RAB11FIP5: variants seen among roughly 807,000 people sequenced by gnomAD.
RAB11FIP5 encodes RAB11 family interacting protein 5.
Under a neutral mutation model 85.1 loss-of-function variants are expected in RAB11FIP5, and 48 were observed. The ratio of observed to expected loss-of-function variants is 0.56; its 90% confidence interval spans 0.45 to 0.72. The LOEUF (loss-of-function observed/expected upper bound fraction) is 0.72. RAB11FIP5 is among the 30% of genes least tolerant of loss of function. The pLI is 0.00. For synonymous variants in RAB11FIP5, 729 were observed against 727.3 expected, an observed-to-expected ratio of 1.00 and a Z score of -0.04; for missense variants, 1,491 against 1,687.0, an observed-to-expected ratio of 0.88 and a Z score of 2.04.
In RAB11FIP5 at chr2:73,112,535, G is replaced by A. The variant is rs934035719; in HGVS notation, c.243C>T (p.Ala81=). The part of the protein sequence containing the change: ...EECSFELPPG[A]LDGLLRAQEA... ...CCTGCGCCCGCAGCAGGCCATCCAG[G>A]GCCCCCGGCGGCAGCTCGAAGGAGC... The change falls in exon 1 of 6, where the codon GCC becomes GCT. Residue 81 remains alanine, a synonymous_variant. Transcript: ENST00000486777. 8 of 1,531,656 alleles carry A rather than the reference G, an allele frequency of 5.2e-6. No homozygotes were observed. Among genetic ancestry groups the A allele is most frequent in the Non-Finnish European group, 6.1e-6 (7 of 1,140,762 alleles). 94.9% of individuals were successfully genotyped at this position (1,531,656 alleles called of 1,614,324 possible).
Position 73,075,811 on chromosome 2 carries a change from A to G in RAB11FIP5, c.3772-87T>C. 1 of 1,478,092 alleles carries G rather than the reference A, an allele frequency of 6.8e-7. No individual in the cohort carries two copies. 91.6% of individuals were successfully genotyped at this position (1,478,092 alleles called of 1,614,324 possible). On this transcript the variant is annotated intron_variant, in intron 5 of 5. Transcript: ENST00000486777. The surrounding 1 kb of genome is among the most constrained non-coding windows in gnomAD (Gnocchi z 4.6). ...TTGCCCGCCCGCCCGCCTGCCCACC[A>G]ACACCTAAGTTTCACCACCACAGGG...
At chr2:73,093,163 G>C (rs1175502176) in intron 1 of RAB11FIP5, among the ~76,000 whole-genome samples, 1 of 152,186 alleles carries the variant, frequency 6.6e-6, no homozygotes, top group African/African-American at 2.4e-5. Context: ...CCCACACGCA[G>C]CAGAGCAAAT....
Position 73,112,890 on chromosome 2 carries a change from C to T in RAB11FIP5, c.-113G>A. 1 of 1,063,446 alleles carries T rather than the reference C, an allele frequency of 9.4e-7. No individual in the cohort carries two copies. The highest frequency in any genetic ancestry group is 1.2e-6 in the Non-Finnish European group (1 of 818,148). The allele number at this position is 1,063,446 out of a possible 1,614,324, so 65.9% of individuals were successfully genotyped here. On this transcript the variant is annotated 5_prime_UTR_variant, in exon 1 of 6. Transcript: ENST00000486777. ...GAACCAACTCTGAGCGCCGCCGCAG[C>T]TGCGGGCTGGGCTGGGCCGGGCCGA...
chr2:73,081,530 C>T lies in RAB11FIP5; in HGVS notation c.1702G>A (p.Ala568Thr), dbSNP rs1024422680. Residue 568 changes from alanine (A) to threonine (T), a missense_variant, in exon 4 of 6, where the codon GCC becomes ACC. By Grantham distance (58) the Ala-to-Thr change is moderately conservative. This residue lies in a region of RAB11FIP5 where 1,211 missense variants were observed against 1,338.0 expected (regional missense o/e 0.91). Coordinates refer to ENST00000486777, the MANE Select transcript of RAB11FIP5 (RefSeq NM_001371272.1). The surrounding 1 kb of genome is among the most constrained non-coding windows in gnomAD (Gnocchi z 4.2). The stretch of plus-strand genomic sequence containing the variant: ...GCAGTGGCAGCAGCGGGGGAGGCGG[C>T]TGCAAAAAGGTTAGTGCTTAGCATG... ...APMLSTNLFAAASPAAATAAA... is the reference protein window; with the variant it reads ...APMLSTNLFATASPAAATAAA... 1.1e-5 allele frequency: 13 copies of T among 1,225,130 alleles called. No individual in the cohort carries two copies. The African/African-American group carries it at 1.7e-4, about 16-fold the overall frequency. 75.9% of individuals were successfully genotyped at this position (1,225,130 alleles called of 1,614,324 possible).
chr2:73,078,668 C>A lies in RAB11FIP5; in HGVS notation c.3581+983G>T, dbSNP rs891107190. On this transcript the variant is annotated intron_variant, in intron 4 of 5. Transcript: ENST00000486777. The surrounding 1 kb of genome is among the most constrained non-coding windows in gnomAD (Gnocchi z 4.4). ...TGTCTTTCATCTGTTCAGCATCTGA[C>A]ACATAGTAGGTGCTCAGTGAATGTG... 1.3e-5 allele frequency among the ~76,000 whole-genome samples: 2 copies of A among 152,232 alleles called. No homozygotes were observed. Among genetic ancestry groups the A allele is most frequent in the African/African-American group, 4.8e-5 (2 of 41,446 alleles).
rs963750353 is a variant in RAB11FIP5, at chr2:73,112,941, G to C, written c.-164C>G. On this transcript the variant is annotated 5_prime_UTR_variant, in exon 1 of 6. Coordinates refer to ENST00000486777, the MANE Select transcript of RAB11FIP5 (RefSeq NM_001371272.1). Reference sequence around the variant, plus strand: ...CCGGCCGCCGCCTCCCCGCCTCACCGGGCCGCTGGCCGCGGGCCGCGCCGC... The same window carrying C: ...CCGGCCGCCGCCTCCCCGCCTCACCCGGCCGCTGGCCGCGGGCCGCGCCGC... 16 of 426,240 alleles carry C rather than the reference G, an allele frequency of 3.8e-5. No homozygotes were observed. The highest frequency in any genetic ancestry group is 2.1e-4 in the South Asian group (2 of 9,512). The allele number at this position is 426,240 out of a possible 1,614,324, so 26.4% of individuals were successfully genotyped here. A position where few individuals can be genotyped will look rare whatever the true frequency, so the allele number is the denominator to read the frequency against.
intron 1 of RAB11FIP5, among the ~76,000 whole-genome samples, chr2:73,093,839 G>C (rs1288402307): frequency 6.6e-6 from 1 of 152,180 alleles, no homozygotes; most frequent in African/African-American, 2.4e-5. Flanking sequence ...ATTCAACCTC[G>C]GACGCGCATG....
intron 3 of RAB11FIP5, among the ~76,000 whole-genome samples, chr2:73,082,584 C>G (rs1249912173): frequency 6.6e-6 from 1 of 152,182 alleles, no homozygotes; most frequent in East Asian, 1.9e-4. Flanking sequence ...AGAACGTCAA[C>G]CAAAAGGTGC....
intron 1 of RAB11FIP5, among the ~76,000 whole-genome samples, chr2:73,092,767 C>A (rs1162873051): frequency 2.0e-5 from 3 of 152,190 alleles, no homozygotes; most frequent in Non-Finnish European, 4.4e-5. Flanking sequence ...CTCTCCCATC[C>A]AGAGCACAGT....
rs979118699 is a variant in RAB11FIP5 at position 73,086,901 on chromosome 2, T to C, written c.1568+1149A>G. Among the ~76,000 whole-genome samples, 12 of 152,020 alleles carry C rather than the reference T, an allele frequency of 7.9e-5. No homozygotes were observed. Among genetic ancestry groups the C allele is most frequent in the African/African-American group, 2.9e-4 (12 of 41,388 alleles). ...CCTATCTATGAGGGTCTAACAGGGA[T>C]TGTCAGCTGACCATGGCCCAAACCT... On this transcript the variant is annotated intron_variant, in intron 3 of 5. Transcript: ENST00000486777. The surrounding 1 kb of genome is among the most constrained non-coding windows in gnomAD (Gnocchi z 4.4).
At chr2:73,099,195 C>T (rs978767066) in intron 1 of RAB11FIP5, among the ~76,000 whole-genome samples, 2 of 151,522 alleles carry the variant, frequency 1.3e-5, no homozygotes, top group Non-Finnish European at 2.9e-5. Context: ...GCTTACAGGC[C>T]CCTGCCGCCA....
In RAB11FIP5 at chr2:73,098,123, G is replaced by A. The variant is rs558219576; in HGVS notation, c.432-8808C>T. On this transcript the variant is annotated intron_variant, in intron 1 of 5. Coordinates refer to ENST00000486777, the MANE Select transcript of RAB11FIP5 (RefSeq NM_001371272.1). Reference sequence around the variant, plus strand: ...GCCTGGTTAAGCCCCAGCCCACCACGTGCTGGCTGTGTGACCTCATATCTA... The same window carrying A: ...GCCTGGTTAAGCCCCAGCCCACCACATGCTGGCTGTGTGACCTCATATCTA... 9.2e-5 allele frequency among the ~76,000 whole-genome samples: 14 copies of A among 152,290 alleles called. No individual in the cohort carries two copies. In the South Asian group the frequency reaches 2.5e-3, roughly 27 times the overall value.
intron 1 of RAB11FIP5, among the ~76,000 whole-genome samples, chr2:73,101,845 C>T (rs1313670465): frequency 6.6e-6 from 1 of 152,300 alleles, no homozygotes; most frequent in African/African-American, 2.4e-5. Flanking sequence ...GGGCATGAGT[C>T]GGCGAGATCC....
chr2:73,091,403 C>A (rs552193520), intron 1 of RAB11FIP5, among the ~76,000 whole-genome samples: 2 of 152,068 alleles, frequency 1.3e-5, no homozygotes. Context: ...AGTGGTCAGG[C>A]TGGTCACTAA....
chr2:73,112,905 G>A lies in RAB11FIP5; in HGVS notation c.-128C>T. 1 of 900,756 alleles carries A rather than the reference G, an allele frequency of 1.1e-6. No individual in the cohort carries two copies. The allele number at this position is 900,756 out of a possible 1,614,324, so 55.8% of individuals were successfully genotyped here. A position where few individuals can be genotyped will look rare whatever the true frequency, so the allele number is the denominator to read the frequency against. ...GCCGCCGCAGCTGCGGGCTGGGCTG[G>A]GCCGGGCCGACCGGCCGCCGCCTCC... On this transcript the variant is annotated 5_prime_UTR_variant, in exon 1 of 6. Coordinates refer to ENST00000486777, the MANE Select transcript of RAB11FIP5 (RefSeq NM_001371272.1).
intron 1 of RAB11FIP5, among the ~76,000 whole-genome samples, chr2:73,091,574 G>A (rs915183656): frequency 6.6e-6 from 1 of 152,236 alleles, no homozygotes; most frequent in Non-Finnish European, 1.5e-5. Flanking sequence ...GGTGGACACA[G>A]AGTGGGGTGT....
chr2:73,076,337 G>C (rs1683861526), intron 4 of RAB11FIP5, among the ~76,000 whole-genome samples, 155 bp from the exon 5 acceptor site: 1 of 152,096 alleles, frequency 6.6e-6, no homozygotes, highest in East Asian at 1.9e-4. Context: ...CAGGGCAGCG[G>C]TGTCCAGTAC....
At chr2:73,109,046 A>C (rs1423370147) in intron 1 of RAB11FIP5, among the ~76,000 whole-genome samples, 3 of 151,818 alleles carry the variant, frequency 2.0e-5, no homozygotes, top group African/African-American at 7.3e-5. Flanking sequence ...CACTGTCTCA[A>C]AAAAGAAAAA....
chr2:73,106,933 G>C (rs1684539427), intron 1 of RAB11FIP5, among the ~76,000 whole-genome samples: 1 of 152,110 alleles, frequency 6.6e-6, no homozygotes, highest in African/African-American at 2.4e-5. Flanking sequence ...GGAGGTGCTG[G>C]CTGCCCCTGG....
Sources: allele counts gnomAD v4.1 joint callset (sites outside exome capture counted in the v4.1 genomes callset), GRCh38; gene constraint gnomAD v4.1.1; regional missense constraint gnomAD v4.1.1; non-coding constraint Gnocchi (gnomAD v3.1); transcripts MANE v1.5; gene names NCBI Gene and HGNC (gene_info 2026-07-23, HGNC 2026-07-21).